Variants in NCS1 observed in about 807,000 individuals in gnomAD.
The protein encoded by NCS1 is frequenin homolog.
NCS1 carries 6 observed loss-of-function variants against 28.4 expected under a neutral mutation model. That is an observed-to-expected ratio of 0.21 (90% CI 0.12 to 0.42). The LOEUF (loss-of-function observed/expected upper bound fraction) is 0.42. Among genes scored for constraint, NCS1 ranks in the 10% least tolerant of loss-of-function variants. NCS1 has a pLI of 1.00. For missense variants in NCS1, 131 were observed against 241.4 expected (o/e 0.54, Z 3.03); for synonymous variants, 86 against 99.3 (o/e 0.87, Z 0.79).
At position 130,180,812 on chromosome 9, in the gene NCS1, T is replaced by G. The variant is rs1554905091; in HGVS notation, c.64+8085T>G. ...GCCACTCCCCTGGGCAATCACAGAGTGAGCTGTCACAGGCTCTTGGCTGAA... is the reference window on the plus strand; with the variant it reads ...GCCACTCCCCTGGGCAATCACAGAGGGAGCTGTCACAGGCTCTTGGCTGAA... On this transcript the variant is annotated intron_variant, in intron 1 of 7. Coordinates refer to ENST00000372398, the MANE Select transcript of NCS1 (RefSeq NM_014286.4). The surrounding 1 kb of genome is among the most constrained non-coding windows in gnomAD (Gnocchi z 4.5). Among the ~76,000 whole-genome samples the G allele has an allele frequency of 6.6e-6, 1 of 152,124 alleles. No homozygotes were observed. The highest frequency in any genetic ancestry group is 2.4e-5 in the African/African-American group (1 of 41,408).
At chr9:130,216,388 T>C (rs1437251201) in intron 2 of NCS1, among the ~76,000 whole-genome samples, 8 of 152,290 alleles carry the variant, frequency 5.3e-5, no homozygotes, top group African/African-American at 1.9e-4. Context: ...TGCAAATGTC[T>C]TCCTCTCTCT....
At chr9:130,182,646 C>T (rs1215928279) in intron 1 of NCS1, among the ~76,000 whole-genome samples, 1 of 152,202 alleles carries the variant, frequency 6.6e-6, no homozygotes, top group African/African-American at 2.4e-5. Flanking sequence ...AGCCTCCACC[C>T]ACCCCAGTGG....
At position 130,222,090 on chromosome 9, in the gene NCS1, ATG is replaced by A. The variant is rs1156814253; in HGVS notation, c.308-550_308-549del. On this transcript the variant is annotated intron_variant, in intron 4 of 7. Coordinates refer to ENST00000372398, the MANE Select transcript of NCS1 (RefSeq NM_014286.4). ...AAATTATGTATCTATAAATATATAT[ATG>A]TGTGTGTGTATATATATATACGTAT... 2.4e-4 allele frequency among the ~76,000 whole-genome samples: 19 copies of A among 78,372 alleles called. 1 individual carries two copies. Among genetic ancestry groups the A allele is most frequent in the African/African-American group, 6.5e-4 (15 of 22,944 alleles). 51.4% of individuals were successfully genotyped at this position (78,372 alleles called of 152,430 possible). A position where few individuals can be genotyped will look rare whatever the true frequency, so the allele number is the denominator to read the frequency against.
At chr9:130,227,507 C>T (rs897574402) in intron 7 of NCS1, among the ~76,000 whole-genome samples, 4 of 152,170 alleles carry the variant, frequency 2.6e-5, no homozygotes, top group Non-Finnish European at 4.4e-5. Context: ...TGCTGTTTTG[C>T]GGTCCCACTA....
At chr9:130,222,433 G>T (rs1554910694) in intron 4 of NCS1, among the ~76,000 whole-genome samples, 1 of 152,066 alleles carries the variant, frequency 6.6e-6, no homozygotes, top group East Asian at 1.9e-4. Flanking sequence ...GATTACAGGT[G>T]TGAGCCACCA....
At chr9:130,185,229 G>A (rs868979452) in intron 1 of NCS1, among the ~76,000 whole-genome samples, 12 of 152,262 alleles carry the variant, frequency 7.9e-5, no homozygotes, top group Admixed American at 2.6e-4. Context: ...TGTGAGGACC[G>A]ACTGCATCTT....
At chr9:130,195,920 C>T (rs1486436734) in intron 1 of NCS1, among the ~76,000 whole-genome samples, 3 of 152,210 alleles carry the variant, frequency 2.0e-5, no homozygotes, top group Non-Finnish European at 4.4e-5. Context: ...GAACCCTGAG[C>T]CCTGAACCCA....
rs1554904173 is a variant in NCS1, at chr9:130,172,639, G to C, written c.-25G>C. The C allele has an allele frequency of 2.8e-6, 4 of 1,421,128 alleles. No individual in the cohort carries two copies. Among genetic ancestry groups the C allele is most frequent in the Non-Finnish European group, 3.7e-6 (4 of 1,070,596 alleles). 88.0% of individuals were successfully genotyped at this position (1,421,128 alleles called of 1,614,324 possible). A position where few individuals can be genotyped will look rare whatever the true frequency, so the allele number is the denominator to read the frequency against. On this transcript the variant is annotated 5_prime_UTR_variant, in exon 1 of 8. Coordinates refer to ENST00000372398, the MANE Select transcript of NCS1 (RefSeq NM_014286.4). ...GCGCCCCAACCGGGTCCGGCCCGGG[G>C]GGGCGGGGGCCGCGGCCGCCGAGGA...
chr9:130,187,363 C>G (rs1832751753), intron 1 of NCS1, among the ~76,000 whole-genome samples: 1 of 152,104 alleles, frequency 6.6e-6, no homozygotes, highest in Non-Finnish European at 1.5e-5. Flanking sequence ...TGTGCCTCCT[C>G]CAGGAGGGCA....
intron 1 of NCS1, among the ~76,000 whole-genome samples, chr9:130,176,194 CTTT>C (rs35934993): frequency 2.2e-4 from 11 of 50,132 alleles, no homozygotes; most frequent in Non-Finnish European, 1.4e-4. Context: ...TTCTTTCTTT[CTTT>C]TTTTTTTTTT....
chr9:130,212,696 G>A (rs1209498213), intron 2 of NCS1, among the ~76,000 whole-genome samples: 3 of 151,510 alleles, frequency 2.0e-5, no homozygotes, highest in Admixed American at 6.6e-5. Context: ...GAGGAGGTCC[G>A]GGCCTGTGGG....
intron 1 of NCS1, among the ~76,000 whole-genome samples, chr9:130,187,206 G>C (rs1832748863): frequency 6.6e-6 from 1 of 152,180 alleles, no homozygotes; most frequent in Admixed American, 6.5e-5. Flanking sequence ...GCACCGGCAG[G>C]TATCCCAGTC....
At chr9:130,196,987 G>C (rs1233880820) in intron 1 of NCS1, among the ~76,000 whole-genome samples, 1 of 152,160 alleles carries the variant, frequency 6.6e-6, no homozygotes, top group Non-Finnish European at 1.5e-5. Context: ...TGCCTTTCCT[G>C]GCCCTGACTT....
rs1441002873 is a variant in NCS1, at chr9:130,181,634, C to T, written c.64+8907C>T. 6.6e-6 allele frequency among the ~76,000 whole-genome samples: 1 copy of T among 152,184 alleles called. No individual in the cohort carries two copies. The highest frequency in any genetic ancestry group is 1.5e-5 in the Non-Finnish European group (1 of 68,028). On this transcript the variant is annotated intron_variant, in intron 1 of 7. Coordinates refer to ENST00000372398, the MANE Select transcript of NCS1 (RefSeq NM_014286.4). The surrounding 1 kb of genome is among the most constrained non-coding windows in gnomAD (Gnocchi z 5.0). ...GTCCCCTCTCAGCCTGGAGTCTGCA[C>T]ACTGAAGCCCTGGGCCGCGGTGAGG...
At chr9:130,231,077 G>A (rs1588128313) in intron 7 of NCS1, among the ~76,000 whole-genome samples, 1 of 152,152 alleles carries the variant, frequency 6.6e-6, no homozygotes. Context: ...TAGACCATGT[G>A]CAGTGGCTGA....
At chr9:130,207,457 C>T (rs1554908247) in intron 2 of NCS1, among the ~76,000 whole-genome samples, 1 of 152,226 alleles carries the variant, frequency 6.6e-6, no homozygotes, top group Admixed American at 6.5e-5. Flanking sequence ...CTGTGGCCTC[C>T]AGTCTCGGCA....
At chr9:130,200,662 C>T in intron 1 of NCS1, 1 of 1,551,786 alleles carries the variant, frequency 6.4e-7, no homozygotes, top group Non-Finnish European at 8.7e-7. Flanking sequence ...GAAGCAAACC[C>T]TTGAGTGCCA....
rs758070273 is a variant in NCS1 at position 130,181,830 on chromosome 9, G to A, written c.64+9103G>A. Reference sequence around the variant, plus strand: ...CGAGCGTGAGTGACGGGGTCATGGCGTGTGTCAGGAGTGGGTGAGCCGGGC... The same window carrying A: ...CGAGCGTGAGTGACGGGGTCATGGCATGTGTCAGGAGTGGGTGAGCCGGGC... On this transcript the variant is annotated intron_variant, in intron 1 of 7. Transcript: ENST00000372398. The surrounding 1 kb of genome is among the most constrained non-coding windows in gnomAD (Gnocchi z 5.0). Among the ~76,000 whole-genome samples the A allele has an allele frequency of 1.5e-4, 23 of 152,156 alleles. No homozygotes were observed. The highest frequency in any genetic ancestry group is 2.8e-4 in the Non-Finnish European group (19 of 68,030).
chr9:130,189,804 A>G (rs1554906022), intron 1 of NCS1, among the ~76,000 whole-genome samples: 1 of 140,116 alleles, frequency 7.1e-6, no homozygotes, highest in African/African-American at 2.7e-5. Context: ...GTGACCTGAG[A>G]TTGTGCCACT....
Sources: gnomAD v4.1 joint callset for allele counts (sites outside exome capture counted in the v4.1 genomes callset) on GRCh38, gnomAD v4.1.1 for gene constraint, Gnocchi (gnomAD v3.1) non-coding constraint, MANE v1.5 for transcripts, NCBI Gene and HGNC (gene_info 2026-07-23, HGNC 2026-07-21) for gene names.